Variants in MYT1L observed in about 807,000 individuals in gnomAD.
The protein encoded by MYT1L is myelin transcription factor 1 like.
A neutral mutation model predicts 126.7 loss-of-function variants in MYT1L; 12 were observed. That is an observed-to-expected ratio of 0.09 (90% confidence interval 0.06 to 0.15). The LOEUF (loss-of-function observed/expected upper bound fraction) is 0.15, where lower values mean the gene tolerates loss of function less well. Ranked by LOEUF, MYT1L falls within the 10% of genes least tolerant of loss-of-function variation. The pLI is 1.00. For synonymous variants in MYT1L, 541 were observed against 604.2 expected, an observed-to-expected ratio of 0.90 and a Z score of 1.53; for missense variants, 979 against 1,585.2, an observed-to-expected ratio of 0.62 and a Z score of 6.49.
chr2:2,285,070 A>G (rs1238320944), intron 1 of MYT1L, among the ~76,000 whole-genome samples: 1 of 152,208 alleles, frequency 6.6e-6, no homozygotes, highest in African/African-American at 2.4e-5. Flanking sequence ...ATGAAAGAAC[A>G]AGGTCAGTTG....
chr2:1,954,974 A>AAAAGAAAG (rs542972122), intron 8 of MYT1L, among the ~76,000 whole-genome samples: 6 of 151,832 alleles, frequency 4.0e-5, no homozygotes, highest in Middle Eastern at 6.8e-3. Flanking sequence ...AGAAAGAAAG[A>AAAAGAAAG]AAAGAAAGAA....
intron 24 of MYT1L, 103 bp from the exon 25 acceptor site, chr2:1,792,110 A>T: frequency 8.3e-7 from 1 of 1,207,664 alleles, no homozygotes; most frequent in South Asian, 1.7e-5. Context: ...CTGGTTTTAT[A>T]CTATTTCAAA....
chr2:1,819,767 G>A (rs2038239077), intron 21 of MYT1L, among the ~76,000 whole-genome samples: 1 of 152,264 alleles, frequency 6.6e-6, no homozygotes, highest in Admixed American at 6.5e-5. Context: ...AGCAGTGGAA[G>A]GGCCAAAGAA....
rs746330594 is a variant in MYT1L at position 1,801,644 on chromosome 2, T to C, written c.3276+52A>G. On this transcript the variant is annotated intron_variant, in intron 23 of 24. Coordinates refer to ENST00000647738, the MANE Select transcript of MYT1L (RefSeq NM_001303052.2). This position sits in a 1 kb window ranked among gnomAD's most constrained non-coding sequence, Gnocchi z 4.2. Reference sequence around the variant, plus strand: ...AAGCTGATTTCATGCCATGTATCTCTGGTATAATGGCGCGTGTTAGAGCTA... The same window carrying C: ...AAGCTGATTTCATGCCATGTATCTCCGGTATAATGGCGCGTGTTAGAGCTA... The C allele has an allele frequency of 1.9e-5, 21 of 1,077,882 alleles. No homozygotes were observed. The East Asian group carries it at 4.8e-4, about 25-fold the overall frequency. The allele number at this position is 1,077,882 out of a possible 1,614,324, so 66.8% of individuals were successfully genotyped here.
chr2:2,204,799 A>G (rs1320401133), intron 2 of MYT1L, among the ~76,000 whole-genome samples: 32 of 152,102 alleles, frequency 2.1e-4, no homozygotes, highest in Non-Finnish European at 4.4e-4. Context: ...GCTGCTATAA[A>G]GACACATGCA....
At chr2:1,843,912 G>A (rs942962192) in intron 19 of MYT1L, among the ~76,000 whole-genome samples, 1 of 152,234 alleles carries the variant, frequency 6.6e-6, no homozygotes, top group African/African-American at 2.4e-5. Flanking sequence ...CGACAATGCG[G>A]TGGCCTCCAG....
intron 2 of MYT1L, among the ~76,000 whole-genome samples, chr2:2,256,050 C>T (rs2094802068): frequency 1.3e-5 from 2 of 152,314 alleles, no homozygotes; most frequent in Admixed American, 6.5e-5. Context: ...GAAGGTCCAC[C>T]TGACCTTGCC....
chr2:2,174,263 T>C (rs1307843269), intron 2 of MYT1L, among the ~76,000 whole-genome samples: 1 of 152,130 alleles, frequency 6.6e-6, no homozygotes, highest in Admixed American at 6.6e-5. Flanking sequence ...GTTTTATTTA[T>C]AGCAGTGCAC....
At chr2:1,855,129 C>T (rs796895602) in intron 18 of MYT1L, among the ~76,000 whole-genome samples, 16 of 152,292 alleles carry the variant, frequency 1.1e-4, no homozygotes, top group African/African-American at 3.1e-4. Context: ...CATAGATTTA[C>T]ATACAAATTT....
intron 3 of MYT1L, among the ~76,000 whole-genome samples, chr2:2,122,846 T>G (rs1467164741): frequency 7.1e-6 from 1 of 139,902 alleles, no homozygotes; most frequent in Non-Finnish European, 1.5e-5. Flanking sequence ...AATGTGTGTG[T>G]GTGTGTGTGT....
chr2:1,977,601 T>G (rs1163280921), intron 8 of MYT1L, among the ~76,000 whole-genome samples: 2 of 152,206 alleles, frequency 1.3e-5, no homozygotes, highest in African/African-American at 4.8e-5. Context: ...CACAATGTGA[T>G]TATTTCACAT....
intron 3 of MYT1L, among the ~76,000 whole-genome samples, chr2:2,151,267 T>A (rs553931499): frequency 7.2e-5 from 11 of 152,276 alleles, no homozygotes; most frequent in African/African-American, 2.6e-4. Context: ...GAAGAGACCA[T>A]TGCTTTTATG....
intron 8 of MYT1L, among the ~76,000 whole-genome samples, chr2:1,976,270 T>C (rs1021346707): frequency 6.6e-6 from 1 of 152,186 alleles, no homozygotes; most frequent in Non-Finnish European, 1.5e-5. Flanking sequence ...ACAGAGGGTG[T>C]GCCGGCATGA....
intron 3 of MYT1L, among the ~76,000 whole-genome samples, chr2:2,103,868 A>G (rs1197776601): frequency 6.6e-6 from 1 of 152,260 alleles, no homozygotes; most frequent in East Asian, 1.9e-4. Flanking sequence ...AAGAAGCTTC[A>G]ACAGAGCAGA....
intron 2 of MYT1L, among the ~76,000 whole-genome samples, chr2:2,202,436 G>A (rs946995556): frequency 2.6e-5 from 4 of 151,750 alleles, no homozygotes; most frequent in African/African-American, 9.7e-5. Flanking sequence ...ATGATAAAGG[G>A]GACATCACCA....
intron 2 of MYT1L, among the ~76,000 whole-genome samples, chr2:2,215,289 T>C (rs1174594605): frequency 1.3e-5 from 2 of 152,126 alleles, no homozygotes. Flanking sequence ...AAGATCTAAC[T>C]CTATCGCCTA....
At chr2:1,822,051 T>C (rs185500541) in intron 21 of MYT1L, among the ~76,000 whole-genome samples, 62 of 152,292 alleles carry the variant, frequency 4.1e-4, no homozygotes, top group Non-Finnish European at 1.2e-4. Context: ...CTCTTTTCTA[T>C]GGAGGTTCTG....
intron 3 of MYT1L, among the ~76,000 whole-genome samples, chr2:2,128,313 A>AT (rs1327867912): frequency 6.6e-6 from 1 of 151,912 alleles, no homozygotes; most frequent in Non-Finnish European, 1.5e-5. Context: ...CGCCTGGCTA[A>AT]TTTTTTGTAT....
chr2:2,054,259 C>T (rs1482457572), intron 3 of MYT1L, 136 bp from the exon 4 acceptor site: 1 of 152,546 alleles, frequency 6.6e-6, no homozygotes, highest in African/African-American at 2.4e-5. Flanking sequence ...GGTGCACAGA[C>T]ACATGGAGAT....
Sources: allele counts gnomAD v4.1 joint callset (sites outside exome capture counted in the v4.1 genomes callset), GRCh38; gene constraint gnomAD v4.1.1; non-coding constraint Gnocchi (gnomAD v3.1); transcripts MANE v1.5; gene names NCBI Gene and HGNC (gene_info 2026-07-23, HGNC 2026-07-21).